TAL1: variants seen among roughly 807,000 people sequenced by gnomAD.
The protein encoded by TAL1 is T-cell acute lymphocytic leukemia protein 1.
Under a neutral mutation model 17.9 loss-of-function variants are expected in TAL1, and 8 were observed. That is an observed-to-expected ratio of 0.45 (90% confidence interval 0.26 to 0.81). The LOEUF (loss-of-function observed/expected upper bound fraction) is 0.81. Ranked by LOEUF, TAL1 falls within the 30% of genes least tolerant of loss-of-function variation. The pLI, the probability that TAL1 is intolerant of heterozygous loss-of-function variation, is 0.17. For synonymous variants in TAL1, 223 were observed against 218.6 expected, an observed-to-expected ratio of 1.02 and a Z score of -0.18; for missense variants, 466 against 486.9, an observed-to-expected ratio of 0.96 and a Z score of 0.40.
intron 3 of TAL1, chr1:47,223,722 A>G (rs894854262): frequency 1.8e-5 from 6 of 332,198 alleles, no homozygotes; most frequent in Admixed American, 4.3e-5. Context: ...ACTAACTCCA[A>G]AGGTTTGGGA....
exon 4 of TAL1, chr1:47,217,008 T>C (rs1467156345): frequency 4.3e-5 from 10 of 231,578 alleles, no homozygotes; most frequent in Non-Finnish European, 7.7e-5. Context: ...TTGCATTACA[T>C]TTTACACAGT....
intron 3 of TAL1, among the ~76,000 whole-genome samples, chr1:47,222,662 GT>G (rs1643840107): frequency 6.6e-6 from 1 of 152,032 alleles, no homozygotes; most frequent in African/African-American, 2.4e-5. Flanking sequence ...TTCCTCTCTG[GT>G]TTTATTCCAG....
chr1:47,218,090 A>G (rs963479461), exon 4 of TAL1: 9 of 266,012 alleles, frequency 3.4e-5, no homozygotes, highest in Admixed American at 1.6e-4. Flanking sequence ...CTGAAGCCCA[A>G]ACTATAAGGG....
intron 1 of TAL1, 47 bp from the exon 3 acceptor site, chr1:47,225,936 C>T (rs765493860): frequency 6.5e-7 from 1 of 1,545,626 alleles, no homozygotes; most frequent in South Asian, 1.2e-5. Flanking sequence ...TGACGACCGC[C>T]CCTGACCCAC....
rs3835389 is a variant in TAL1 at position 47,224,403 on chromosome 1, A to AACAC, written c.447-309_447-306dup. Among the ~76,000 whole-genome samples the AACAC allele has an allele frequency of 1.4e-3, 210 of 148,714 alleles. 1 individual carries two copies. In the East Asian group the frequency reaches 0.024, roughly 17 times the overall value. On this transcript the variant is annotated intron_variant, in intron 2 of 3. Transcript: ENST00000294339. ...AACACATGGAATAAACACAAAAATG[A>AACAC]ACACACACACACACACACACACACA...
At chr1:47,217,542 A>C in exon 4 of TAL1, 1 of 398,566 alleles carries the variant, frequency 2.5e-6, no homozygotes, top group Non-Finnish European at 4.4e-6. Flanking sequence ...AGGCTGCGAA[A>C]CCCCACTGCA....
chr1:47,222,374 T>C (rs1180215070), intron 3 of TAL1, among the ~76,000 whole-genome samples: 1 of 152,186 alleles, frequency 6.6e-6, no homozygotes, highest in Non-Finnish European at 1.5e-5. Context: ...TCTCTCAGCC[T>C]CAATTTCCTT....
exon 4 of TAL1, chr1:47,218,427 G>A (rs190651980): frequency 4.3e-6 from 1 of 232,852 alleles, no homozygotes; most frequent in East Asian, 6.0e-5. Context: ...GAAGGATAAG[G>A]ATGTGATTTA....
At chr1:47,217,707 TAATAA>T (rs1645525244) in exon 4 of TAL1, 1 of 398,524 alleles carries the variant, frequency 2.5e-6, no homozygotes, top group Non-Finnish European at 4.4e-6. Flanking sequence ...TTTGAGTTCT[TAATAA>T]AATATGTGAT....
exon 2 of TAL1, chr1:47,225,679 G>A: frequency 7.0e-7 from 1 of 1,419,336 alleles, no homozygotes; most frequent in South Asian, 1.5e-5. Context: ...AGTCTCTCGC[G>A]GCGCCGCCCC....
chr1:47,219,981 G>C, exon 4 of TAL1: 1 of 1,592,972 alleles, frequency 6.3e-7, no homozygotes, highest in Non-Finnish European at 8.6e-7. Context: ...CCTCCTCCTG[G>C]TCATTGAGCA....
chr1:47,222,477 G>A (rs1643834904), intron 3 of TAL1, among the ~76,000 whole-genome samples: 1 of 152,140 alleles, frequency 6.6e-6, no homozygotes. Flanking sequence ...CACATAGTAG[G>A]TGTCCAATAC....
chr1:47,227,130 C>G (rs1643925207), intron 1 of TAL1: 1 of 152,224 alleles, frequency 6.6e-6, no homozygotes, highest in Non-Finnish European at 1.5e-5. Context: ...CAAGCATACT[C>G]CGAGATGACC....
At chr1:47,222,353 G>T (rs557700438) in intron 3 of TAL1, among the ~76,000 whole-genome samples, 82 of 152,304 alleles carry the variant, frequency 5.4e-4, no homozygotes, top group Admixed American at 1.0e-3. Flanking sequence ...CCTTGATCAA[G>T]CTGGGTAACC....
intron 1 of TAL1, chr1:47,228,190 AGGACC>A: frequency 6.0e-6 from 1 of 167,390 alleles, no homozygotes; most frequent in East Asian, 1.2e-4. Flanking sequence ...GGATCTGTGG[AGGACC>A]TCTCCCGGCT....
chr1:47,232,011 G>C (rs1466242159), upstream of TAL1, among the ~76,000 whole-genome samples: 1 of 151,360 alleles, frequency 6.6e-6, no homozygotes, highest in Non-Finnish European at 1.5e-5. Flanking sequence ...CGTGGAAAAT[G>C]CCCCCCCACC....
Position 47,226,658 on chromosome 1 carries a change from G to A in TAL1, c.-1-769C>T, listed in dbSNP as rs934557302. Among the ~76,000 whole-genome samples the A allele has an allele frequency of 3.9e-5, 6 of 152,322 alleles. No homozygotes were observed. The East Asian group carries it at 1.2e-3, about 29-fold the overall frequency. On this transcript the variant is annotated intron_variant, in intron 1 of 3. Coordinates refer to ENST00000294339, the Ensembl canonical transcript of TAL1. ...CCCACTCAGACAGAGATGAGAGGTC[G>A]CCAAGGGAAGAAGATGGTGCTGGCC...
intron 1 of TAL1, chr1:47,227,164 T>C (rs1643925905): frequency 6.6e-6 from 1 of 152,020 alleles, no homozygotes; most frequent in South Asian, 2.1e-4. Flanking sequence ...TTCCCACAGG[T>C]GTGCTGGGGC....
At chr1:47,225,212 G>T (rs1169172815) in intron 2 of TAL1, among the ~76,000 whole-genome samples, 2 of 152,102 alleles carry the variant, frequency 1.3e-5, no homozygotes, top group East Asian at 3.9e-4. Context: ...CATGCACCCC[G>T]CAGCCACACG....
Sources: allele counts gnomAD v4.1 joint callset (sites outside exome capture counted in the v4.1 genomes callset), GRCh38; gene constraint gnomAD v4.1.1; transcripts MANE v1.5; gene names NCBI Gene and HGNC (gene_info 2026-07-23, HGNC 2026-07-21).